TBC1D2B: variants seen among roughly 807,000 people sequenced by gnomAD.
TBC1D2B encodes the protein TBC1 domain family, member 2B.
In TBC1D2B, 64 loss-of-function variants were observed where a neutral mutation model predicts 100.8. The ratio of observed to expected loss-of-function variants is 0.64; its 90% CI spans 0.52 to 0.78. The LOEUF (loss-of-function observed/expected upper bound fraction) is 0.78, where lower values mean the gene tolerates loss of function less well. TBC1D2B is among the 30% of genes least tolerant of loss of function. The pLI, the probability that TBC1D2B is intolerant of heterozygous loss-of-function variation, is 0.00. For synonymous variants in TBC1D2B, 480 were observed against 479.7 expected (o/e 1.00, Z -0.01); for missense variants, 1,052 against 1,218.4 (o/e 0.86, Z 2.03).
Position 77,995,096 on chromosome 15 carries a change from C to T in TBC1D2B, c.*3064G>A, listed in dbSNP as rs1217804886. The T allele has an allele frequency of 1.3e-5, 2 of 152,236 alleles. No homozygotes were observed. The highest frequency in any genetic ancestry group is 2.4e-5 in the African/African-American group (1 of 41,456). The allele number at this position is 152,236 out of a possible 1,614,324, so 9.4% of individuals were successfully genotyped here. A position where few individuals can be genotyped will look rare whatever the true frequency, so the allele number is the denominator to read the frequency against. ...ATAAAAGGAGAGAGTCACCTGGCGC[C>T]CCCTGCAGTCCTCCAGTTGCCCAGC... is the stretch of plus-strand genomic sequence containing the variant. On this transcript the variant is annotated 3_prime_UTR_variant, in exon 13 of 13. Transcript: ENST00000300584.
chr15:78,024,087 A>T, intron 6 of TBC1D2B, 69 bp downstream of exon 6: 2 of 1,508,898 alleles, frequency 1.3e-6, no homozygotes, highest in South Asian at 2.6e-5. Context: ...CAGCTCACGG[A>T]GGCCAGGCCT....
At chr15:78,003,669 C>T in intron 10 of TBC1D2B, 179 bp from the exon 11 acceptor site, 1 of 569,192 alleles carries the variant, frequency 1.8e-6, no homozygotes, top group South Asian at 2.3e-5. Flanking sequence ...CAGCGCTGAC[C>T]TCGTGCACTG....
At chr15:78,025,086 C>A (rs2072623616) in intron 5 of TBC1D2B, among the ~76,000 whole-genome samples, 173 bp downstream of exon 5, 1 of 152,196 alleles carries the variant, frequency 6.6e-6, no homozygotes, top group African/African-American at 2.4e-5. Flanking sequence ...TGATCAAGCA[C>A]AGCAGCTGTG....
At chr15:77,998,629 C>T in intron 12 of TBC1D2B, 2 of 409,246 alleles carry the variant, frequency 4.9e-6, no homozygotes, top group Non-Finnish European at 8.9e-6. Context: ...GGCCTCTGAT[C>T]TTCATCTGCA....
chr15:78,012,514 A>G (rs2072256826), intron 9 of TBC1D2B, among the ~76,000 whole-genome samples: 3 of 152,254 alleles, frequency 2.0e-5, no homozygotes, highest in Admixed American at 1.3e-4. Flanking sequence ...CATGCATTAC[A>G]AACTAATAAA....
intron 10 of TBC1D2B, among the ~76,000 whole-genome samples, chr15:78,006,174 T>C (rs1478197282): frequency 6.6e-6 from 1 of 152,204 alleles, no homozygotes; most frequent in Non-Finnish European, 1.5e-5. Context: ...ACCAATGTGC[T>C]TGACCACACC....
At chr15:78,021,167 C>A (rs2141683359) in intron 6 of TBC1D2B, among the ~76,000 whole-genome samples, 1 of 152,000 alleles carries the variant, frequency 6.6e-6, no homozygotes. Flanking sequence ...TAGACCACAC[C>A]AAAAAAAGTT....
At chr15:78,010,486 G>A (rs1428523749) in intron 9 of TBC1D2B, among the ~76,000 whole-genome samples, 1 of 152,034 alleles carries the variant, frequency 6.6e-6, no homozygotes, top group Non-Finnish European at 1.5e-5. Context: ...AAACTATAAT[G>A]AACTCATCTC....
intron 1 of TBC1D2B, among the ~76,000 whole-genome samples, chr15:78,074,747 T>C (rs2073801670): frequency 6.6e-6 from 1 of 152,238 alleles, no homozygotes; most frequent in African/African-American, 2.4e-5. Flanking sequence ...CTTCCTAACC[T>C]TTCTATAAGT....
At chr15:78,069,704 A>G (rs906448803) in intron 1 of TBC1D2B, among the ~76,000 whole-genome samples, 2 of 152,230 alleles carry the variant, frequency 1.3e-5, no homozygotes, top group African/African-American at 4.8e-5. Context: ...GAGTGGTAAA[A>G]GGAATTTGAG....
At chr15:78,020,421 A>G (rs2072488019) in intron 6 of TBC1D2B, among the ~76,000 whole-genome samples, 1 of 152,178 alleles carries the variant, frequency 6.6e-6, no homozygotes, top group Non-Finnish European at 1.5e-5. Flanking sequence ...CTTTCTCTAG[A>G]ACGATGATGA....
chr15:78,005,201 T>C (rs1262439523), intron 10 of TBC1D2B, among the ~76,000 whole-genome samples: 3 of 152,228 alleles, frequency 2.0e-5, no homozygotes, highest in Non-Finnish European at 4.4e-5. Flanking sequence ...TGGAGCAGGC[T>C]GCCAGGAAAC....
chr15:78,001,465 C>T (rs1020758979), intron 12 of TBC1D2B, among the ~76,000 whole-genome samples, 154 bp downstream of exon 12: 12 of 152,218 alleles, frequency 7.9e-5, no homozygotes. Flanking sequence ...GGCTCACACC[C>T]CTTGCTCTCT....
chr15:78,017,908 ATC>A lies in TBC1D2B; in HGVS notation c.1518_1519del (p.Glu506AspfsTer24). On this transcript the variant is annotated frameshift_variant, in exon 7 of 13. Coordinates refer to ENST00000300584, the MANE Select transcript of TBC1D2B (RefSeq NM_144572.2). LOFTEE classifies it high-confidence loss of function. The stretch of plus-strand genomic sequence containing the variant: ...TCTTCGTAGAGCTGAGAGTTCCAAA[ATC>A]TCCTTATTTAGAAATTTGTTTTGGG... 1 of 1,611,306 alleles carries A rather than the reference ATC, an allele frequency of 6.2e-7. No homozygotes were observed. Among genetic ancestry groups the A allele is most frequent in the Non-Finnish European group, 8.5e-7 (1 of 1,178,740 alleles).
chr15:78,064,753 T>TG (rs2073623346), intron 1 of TBC1D2B, among the ~76,000 whole-genome samples: 1 of 31,716 alleles, frequency 3.2e-5, no homozygotes, highest in Non-Finnish European at 1.4e-4. Flanking sequence ...CCAGCACCAA[T>TG]GGAAAAAAAA....
intron 8 of TBC1D2B, 52 bp from the exon 9 acceptor site, chr15:78,013,369 A>T: frequency 6.8e-7 from 1 of 1,475,574 alleles, no homozygotes; most frequent in Non-Finnish European, 9.0e-7. Context: ...TTAGCAACAA[A>T]GACCAATGCA....
At chr15:78,021,501 C>G (rs1367163270) in intron 6 of TBC1D2B, among the ~76,000 whole-genome samples, 1 of 152,166 alleles carries the variant, frequency 6.6e-6, no homozygotes, top group Non-Finnish European at 1.5e-5. Context: ...TCCAGTTCTC[C>G]CAGTGCCACT....
At chr15:77,999,105 A>G in intron 12 of TBC1D2B, 2 of 337,482 alleles carry the variant, frequency 5.9e-6, no homozygotes, top group South Asian at 4.4e-5. Flanking sequence ...ATCACAAAAT[A>G]GGCCAGTTCC....
chr15:78,040,611 AGAAAGAAAGAG>A (rs777272597), intron 3 of TBC1D2B, among the ~76,000 whole-genome samples: 6,680 of 103,746 alleles, frequency 0.064, 346 homozygotes, highest in African/African-American at 0.14. Flanking sequence ...AAAGTGAGAG[AGAAAGAAAGAG>A]AGAGAGAAAG....
Sources: allele counts gnomAD v4.1 joint callset (sites outside exome capture counted in the v4.1 genomes callset), GRCh38; gene constraint gnomAD v4.1.1; transcripts MANE v1.5; gene names NCBI Gene and HGNC (gene_info 2026-07-23, HGNC 2026-07-21).